Variants in NIPAL2 observed in about 807,000 individuals in gnomAD.
NIPAL2 encodes NIPA-like protein 2.
In NIPAL2, 43 loss-of-function variants were observed where a neutral mutation model predicts 48.9. The observed-to-expected ratio is 0.88, with a 90% CI of 0.69 to 1.13. The LOEUF (loss-of-function observed/expected upper bound fraction) is 1.13. Among genes scored for constraint, NIPAL2 ranks in the 50% most tolerant of loss-of-function variants. The pLI, the probability that NIPAL2 is intolerant of heterozygous loss-of-function variation, is 0.00. For missense variants in NIPAL2, 446 were observed against 461.4 expected (o/e 0.97, Z 0.31); for synonymous variants, 167 against 174.6 (o/e 0.96, Z 0.34).
rs536784446 is a variant in NIPAL2, at chr8:98,260,028, G to T, written c.136-5941C>A. Among the ~76,000 whole-genome samples the T allele has an allele frequency of 3.9e-5, 6 of 152,326 alleles. No homozygotes were observed. In the South Asian group the frequency reaches 8.3e-4, roughly 21 times the overall value. ...TAATAGACTAAGGTTGACTAAGAAG[G>T]TGAGAGAGTGGAGTGCGGATACTGT... On this transcript the variant is annotated intron_variant, in intron 1 of 10. Transcript: ENST00000430223.
At chr8:98,225,277 T>C (rs1203850492) in intron 4 of NIPAL2, among the ~76,000 whole-genome samples, 2 of 152,288 alleles carry the variant, frequency 1.3e-5, no homozygotes, top group African/African-American at 4.8e-5. Flanking sequence ...TGTGATTTAC[T>C]GTCCCCTTTA....
intron 1 of NIPAL2, among the ~76,000 whole-genome samples, chr8:98,277,271 G>A (rs900703250): frequency 1.3e-5 from 2 of 151,856 alleles, no homozygotes; most frequent in Non-Finnish European, 2.9e-5. Flanking sequence ...GCTCAAGCCT[G>A]TAATTGCAGG....
At chr8:98,205,854 A>C (rs1053674235) in intron 6 of NIPAL2, among the ~76,000 whole-genome samples, 1 of 152,202 alleles carries the variant, frequency 6.6e-6, no homozygotes, top group Non-Finnish European at 1.5e-5. Flanking sequence ...AATGACAATA[A>C]TTGGAAGCAG....
intron 8 of NIPAL2, among the ~76,000 whole-genome samples, chr8:98,197,603 G>A (rs1052668665): frequency 3.9e-5 from 6 of 152,254 alleles, no homozygotes; most frequent in Non-Finnish European, 8.8e-5. Flanking sequence ...TAATCTTCTC[G>A]AACACAGCTG....
At chr8:98,292,726 ATTTT>A (rs11445213) in intron 1 of NIPAL2, among the ~76,000 whole-genome samples, 1 of 141,000 alleles carries the variant, frequency 7.1e-6, no homozygotes. Context: ...CTAACCCTCT[ATTTT>A]TTTTTTTTTT....
At chr8:98,277,236 TTTCATC>T (rs1390598786) in intron 1 of NIPAL2, among the ~76,000 whole-genome samples, 1 of 152,194 alleles carries the variant, frequency 6.6e-6, no homozygotes, top group African/African-American at 2.4e-5. Flanking sequence ...TTCAGAATAT[TTTCATC>T]ACCTGGGCGG....
At chr8:98,251,257 A>T (rs1813570872) in intron 3 of NIPAL2, among the ~76,000 whole-genome samples, 1 of 152,090 alleles carries the variant, frequency 6.6e-6, no homozygotes, top group South Asian at 2.1e-4. Context: ...GAATAAAACA[A>T]CATTTTCAAG....
At chr8:98,275,885 A>G (rs974046175) in intron 1 of NIPAL2, among the ~76,000 whole-genome samples, 1 of 152,048 alleles carries the variant, frequency 6.6e-6, no homozygotes. Flanking sequence ...TATCAGTTCT[A>G]CCTTGTATTT....
chr8:98,221,199 C>T (rs1449811952), intron 5 of NIPAL2, among the ~76,000 whole-genome samples: 1 of 151,808 alleles, frequency 6.6e-6, no homozygotes, highest in Non-Finnish European at 1.5e-5. Flanking sequence ...TGGTTTCAAA[C>T]TCCTGACCTC....
In NIPAL2 at chr8:98,190,077, GA is replaced by G. The variant is rs2130666866; in HGVS notation, c.*2900del. ...AAAAGAACCACTGCCTTTCAACTTG[GA>G]CCCTAAGAATGAACTTATCACTTCC... On this transcript the variant is annotated 3_prime_UTR_variant, in exon 11 of 11. Transcript: ENST00000430223. The G allele has an allele frequency of 6.6e-6, 1 of 152,258 alleles. No homozygotes were observed. The highest frequency in any genetic ancestry group is 1.9e-4 in the East Asian group (1 of 5,178). 9.4% of individuals were successfully genotyped at this position (152,258 alleles called of 1,614,324 possible). A position where few individuals can be genotyped will look rare whatever the true frequency, so the allele number is the denominator to read the frequency against.
At chr8:98,196,032 T>C (rs769286319) in intron 8 of NIPAL2, 27 bp from the exon 9 acceptor site, 15 of 1,430,984 alleles carry the variant, frequency 1.0e-5, no homozygotes, top group Admixed American at 6.2e-5. Flanking sequence ...GAAGACAAAA[T>C]TGATTTTGAA....
chr8:98,261,015 C>A (rs1469798212), intron 1 of NIPAL2, among the ~76,000 whole-genome samples: 1 of 152,136 alleles, frequency 6.6e-6, no homozygotes, highest in Non-Finnish European at 1.5e-5. Context: ...ACCAGCAGGG[C>A]ACACTGACAC....
chr8:98,266,147 G>A (rs1165056068), intron 1 of NIPAL2, among the ~76,000 whole-genome samples: 1 of 103,288 alleles, frequency 9.7e-6, no homozygotes, highest in African/African-American at 3.6e-5. Context: ...TGGGGGGAGG[G>A]GGGAGGGATA....
chr8:98,277,574 A>G (rs1218781185), intron 1 of NIPAL2, among the ~76,000 whole-genome samples: 2 of 152,002 alleles, frequency 1.3e-5, no homozygotes, highest in East Asian at 3.9e-4. Flanking sequence ...ATCACCTCAA[A>G]AAGAAACTCC....
chr8:98,270,769 C>T (rs11781517), intron 1 of NIPAL2, among the ~76,000 whole-genome samples: 13,443 of 152,106 alleles, frequency 0.088, 808 homozygotes, highest in Middle Eastern at 0.21. Flanking sequence ...AAATTCTTTG[C>T]CTAGGCCAAT....
chr8:98,193,244 G>T, intron 10 of NIPAL2, 154 bp from the exon 11 acceptor site: 1 of 1,087,568 alleles, frequency 9.2e-7, no homozygotes, highest in Non-Finnish European at 1.4e-6. Context: ...GGAAGAAAAG[G>T]CCCTTGAAAC....
intron 3 of NIPAL2, among the ~76,000 whole-genome samples, chr8:98,238,923 A>G (rs1812850984): frequency 6.6e-6 from 1 of 152,328 alleles, no homozygotes; most frequent in Non-Finnish European, 1.5e-5. Flanking sequence ...TTCCCATGGT[A>G]GAGCATGAGA....
intron 5 of NIPAL2, among the ~76,000 whole-genome samples, chr8:98,218,316 T>TA (rs1335174574): frequency 6.6e-6 from 1 of 152,204 alleles, no homozygotes; most frequent in Non-Finnish European, 1.5e-5. Flanking sequence ...CTGTAAAGTA[T>TA]AAAAAACAGA....
chr8:98,216,461 T>C lies in NIPAL2; in HGVS notation c.559-3960A>G, dbSNP rs142858241. Among the ~76,000 whole-genome samples, 182 of 152,328 alleles carry C rather than the reference T, an allele frequency of 1.2e-3. 2 individuals are homozygous for C. The highest frequency in any genetic ancestry group is 4.3e-3 in the African/African-American group (180 of 41,580). Reference sequence around the variant, plus strand: ...CCTTGTGTGGACACACAAGTGCTATTTGCATTCAGACAATAAAGCAAATAA... The same window carrying C: ...CCTTGTGTGGACACACAAGTGCTATCTGCATTCAGACAATAAAGCAAATAA... On this transcript the variant is annotated intron_variant, in intron 5 of 10. Coordinates refer to ENST00000430223, the MANE Select transcript of NIPAL2 (RefSeq NM_001321635.2).
Sources: allele counts gnomAD v4.1 joint callset (sites outside exome capture counted in the v4.1 genomes callset), GRCh38; gene constraint gnomAD v4.1.1; transcripts MANE v1.5; gene names NCBI Gene and HGNC (gene_info 2026-07-23, HGNC 2026-07-21).